Variants in SLIT3 observed in about 807,000 individuals in gnomAD.
SLIT3 encodes slit guidance ligand 3.
A neutral mutation model predicts 184.0 loss-of-function variants in SLIT3; 68 were observed. The ratio of observed to expected loss-of-function variants is 0.37; its 90% CI spans 0.30 to 0.45. SLIT3 has a LOEUF of 0.45. Among genes scored for constraint, SLIT3 ranks in the 20% least tolerant of loss-of-function variants. The pLI is 1.00. For missense variants in SLIT3, 1,707 were observed against 2,026.0 expected (o/e 0.84, Z 3.02); for synonymous variants, 831 against 828.6 (o/e 1.00, Z -0.05).
intron 8 of SLIT3, among the ~76,000 whole-genome samples, chr5:168,812,554 G>C (rs1198183952): frequency 6.6e-6 from 1 of 152,152 alleles, no homozygotes; most frequent in Non-Finnish European, 1.5e-5. Context: ...ACCTCACTTG[G>C]TAAAAGTGCA....
intron 4 of SLIT3, among the ~76,000 whole-genome samples, chr5:168,943,813 C>A (rs1762392268): frequency 6.6e-6 from 1 of 152,162 alleles, no homozygotes; most frequent in Non-Finnish European, 1.5e-5. Flanking sequence ...ACATTAGGGA[C>A]AAACACCTTG....
intron 4 of SLIT3, among the ~76,000 whole-genome samples, chr5:169,163,943 T>C (rs1247689187): frequency 6.6e-6 from 1 of 152,038 alleles, no homozygotes; most frequent in Non-Finnish European, 1.5e-5. Flanking sequence ...GGGCCCCCAG[T>C]GAGAATGTCC....
intron 2 of SLIT3, among the ~76,000 whole-genome samples, chr5:169,247,724 G>T (rs999093522): frequency 6.6e-6 from 1 of 152,054 alleles, no homozygotes; most frequent in African/African-American, 2.4e-5. Context: ...GTGCAGTGGT[G>T]CAAGGTGCTG....
chr5:168,970,081 T>G (rs372251496), intron 4 of SLIT3, among the ~76,000 whole-genome samples: 1 of 152,144 alleles, frequency 6.6e-6, no homozygotes, highest in East Asian at 1.9e-4. Context: ...TTCGGGAGGC[T>G]GAGGCAGGAG....
At chr5:168,793,569 C>T (rs188346326) in intron 10 of SLIT3, among the ~76,000 whole-genome samples, 3 of 152,202 alleles carry the variant, frequency 2.0e-5, no homozygotes, top group East Asian at 3.9e-4. Context: ...CTTTCCAGGT[C>T]GTGACTGAGA....
At chr5:168,872,451 C>G (rs1037260664) in intron 5 of SLIT3, among the ~76,000 whole-genome samples, 1 of 152,000 alleles carries the variant, frequency 6.6e-6, no homozygotes, top group Non-Finnish European at 1.5e-5. Context: ...ACATACCACA[C>G]TAAAGCAAGG....
At chr5:168,963,720 C>A (rs541401900) in intron 4 of SLIT3, among the ~76,000 whole-genome samples, 4 of 152,194 alleles carry the variant, frequency 2.6e-5, no homozygotes, top group Non-Finnish European at 5.9e-5. Context: ...GCAGTTGCTG[C>A]GAGACAAACC....
intron 4 of SLIT3, among the ~76,000 whole-genome samples, chr5:169,071,040 C>A (rs556742416): frequency 1.3e-5 from 2 of 152,282 alleles, no homozygotes; most frequent in Admixed American, 1.3e-4. Flanking sequence ...TGGGCAGGTA[C>A]TCAAACCTGC....
At chr5:169,292,920 A>G (rs1278782675) in intron 1 of SLIT3, among the ~76,000 whole-genome samples, 1 of 152,224 alleles carries the variant, frequency 6.6e-6, no homozygotes, top group Admixed American at 6.5e-5. Flanking sequence ...GAGCCTACCC[A>G]GGGCTGTGGC....
intron 4 of SLIT3, among the ~76,000 whole-genome samples, chr5:169,079,702 AGAGGAGGAGGAGGGAAGAG>A (rs1481152957): frequency 1.6e-3 from 70 of 44,454 alleles, no homozygotes; most frequent in Non-Finnish European, 2.1e-3. Flanking sequence ...GGAGGAGGGA[AGAGGAGGAGGAGGGAAGAG>A]GAGGAGGAGG....
intron 20 of SLIT3, among the ~76,000 whole-genome samples, chr5:168,732,895 G>T (rs1284783491): frequency 6.6e-6 from 1 of 152,092 alleles, no homozygotes; most frequent in Non-Finnish European, 1.5e-5. Flanking sequence ...AACTCTTTTG[G>T]ACATTGGCCT....
At chr5:168,786,603 AG>A (rs1330551901) in intron 11 of SLIT3, among the ~76,000 whole-genome samples, 1 of 151,300 alleles carries the variant, frequency 6.6e-6, no homozygotes, top group Non-Finnish European at 1.5e-5. Context: ...CCAGGAACGC[AG>A]GAACTCAGAA....
intron 9 of SLIT3, among the ~76,000 whole-genome samples, chr5:168,796,229 T>C (rs955324965): frequency 1.3e-5 from 2 of 152,224 alleles, no homozygotes; most frequent in Non-Finnish European, 2.9e-5. Flanking sequence ...TAACCTCTTA[T>C]GGAGTTTCCT....
At chr5:168,729,121 A>G (rs1763221138) in intron 20 of SLIT3, among the ~76,000 whole-genome samples, 1 of 152,136 alleles carries the variant, frequency 6.6e-6, no homozygotes, top group Admixed American at 6.5e-5. Flanking sequence ...AAGAATGAAC[A>G]AAGGCTTTGA....
At chr5:168,819,274 T>A (rs2113661124) in intron 7 of SLIT3, among the ~76,000 whole-genome samples, 1 of 152,348 alleles carries the variant, frequency 6.6e-6, no homozygotes, top group South Asian at 2.1e-4. Context: ...GTTTATTCAT[T>A]AAGCATTAAC....
chr5:169,185,851 A>G (rs1037150726), intron 4 of SLIT3, among the ~76,000 whole-genome samples: 2 of 152,188 alleles, frequency 1.3e-5, no homozygotes, highest in Non-Finnish European at 2.9e-5. Context: ...TACAGGAATC[A>G]CGGTTAGGAA....
intron 3 of SLIT3, among the ~76,000 whole-genome samples, chr5:169,213,975 G>A (rs1489144225): frequency 6.6e-6 from 1 of 152,166 alleles, no homozygotes. Context: ...CAAGTAATAG[G>A]TCAAGTTCAA....
chr5:168,864,608 T>C (rs1391286207), intron 5 of SLIT3, among the ~76,000 whole-genome samples: 2 of 152,192 alleles, frequency 1.3e-5, no homozygotes, highest in Non-Finnish European at 2.9e-5. Context: ...CCACCGTCAG[T>C]GTGAAAGATG....
At chr5:169,233,975 T>C (rs967099751) in intron 3 of SLIT3, among the ~76,000 whole-genome samples, 7 of 152,254 alleles carry the variant, frequency 4.6e-5, no homozygotes, top group African/African-American at 1.7e-4. Context: ...AGGTAAAGAA[T>C]TTCCCTTTTA....
Sources: gnomAD v4.1 joint callset for allele counts (sites outside exome capture counted in the v4.1 genomes callset) on GRCh38, gnomAD v4.1.1 for gene constraint, MANE v1.5 for transcripts, NCBI Gene and HGNC (gene_info 2026-07-23, HGNC 2026-07-21) for gene names.